NRXN3: variants seen among roughly 807,000 people sequenced by gnomAD.
The protein encoded by NRXN3 is neurexin 3.
NRXN3 carries 32 observed loss-of-function variants against 137.6 expected under a neutral mutation model. The ratio of observed to expected loss-of-function variants is 0.23; its 90% confidence interval spans 0.18 to 0.31. NRXN3 has a LOEUF of 0.31. Ranked by LOEUF, NRXN3 falls within the 10% of genes least tolerant of loss-of-function variation. The probability of loss-of-function intolerance (pLI) is 1.00; values close to 1 mark genes in which losing one functional copy is unlikely to be tolerated. For synonymous variants in NRXN3, 798 were observed against 784.5 expected (o/e 1.02, Z -0.29); for missense variants, 1,574 against 2,062.5 (o/e 0.76, Z 4.59).
chr14:78,651,337 C>A lies in NRXN3; in HGVS notation c.1221+11C>A. The A allele has an allele frequency of 6.2e-7, 1 of 1,613,334 alleles. No homozygotes were observed. Among genetic ancestry groups the A allele is most frequent in the East Asian group, 2.2e-5 (1 of 44,854 alleles). ...GGCTGCCTTAAAGAGGTAAAGTTCA[C>A]CCAATTCTATTTAATGCACCATGTG... On this transcript the variant is annotated intron_variant, in intron 6 of 20. Coordinates refer to ENST00000335750, the MANE Select transcript of NRXN3 (RefSeq NM_001330195.2).
At chr14:79,504,647 ATATATATG>A (rs1567316823) in intron 16 of NRXN3, among the ~76,000 whole-genome samples, 11 of 123,342 alleles carry the variant, frequency 8.9e-5, no homozygotes, top group Non-Finnish European at 1.0e-4. Flanking sequence ...TTTTTTATAT[ATATATATG>A]TATATATATA....
chr14:78,247,137 C>T (rs553970763), intron 2 of NRXN3, among the ~76,000 whole-genome samples: 2 of 152,184 alleles, frequency 1.3e-5, no homozygotes, highest in Admixed American at 6.5e-5. Flanking sequence ...CTCCAGCCCC[C>T]CTGCGGTGTT....
At chr14:78,638,399 T>C (rs754539054) in intron 4 of NRXN3, among the ~76,000 whole-genome samples, 1 of 152,202 alleles carries the variant, frequency 6.6e-6, no homozygotes, top group Non-Finnish European at 1.5e-5. Context: ...GGGGGATGGC[T>C]CTGCAGCTTG....
intron 19 of NRXN3, among the ~76,000 whole-genome samples, chr14:79,699,114 G>C (rs188544081): frequency 1.3e-5 from 2 of 151,900 alleles, no homozygotes. Context: ...TTTTCAAAAG[G>C]CTTCTAAAAA....
In NRXN3 at chr14:79,037,683, T is replaced by C. The variant is rs532131862; in HGVS notation, c.3262+49542T>C. On this transcript the variant is annotated intron_variant, in intron 15 of 20. Coordinates refer to ENST00000335750, the MANE Select transcript of NRXN3 (RefSeq NM_001330195.2). ...GAGAGGAGATTCACTCCTAAAAGAG[T>C]GTGTCATTTTAAGTTGACTTTCTTG... Among the ~76,000 whole-genome samples the C allele has an allele frequency of 2.6e-5, 4 of 152,134 alleles. No individual in the cohort carries two copies. In the South Asian group the frequency reaches 8.3e-4, roughly 32 times the overall value.
At chr14:79,294,466 ATTAT>A (rs1220291135) in intron 15 of NRXN3, among the ~76,000 whole-genome samples, 1 of 152,220 alleles carries the variant, frequency 6.6e-6, no homozygotes, top group East Asian at 1.9e-4. Context: ...ATTCACGGTA[ATTAT>A]TTGATCCACA....
intron 16 of NRXN3, among the ~76,000 whole-genome samples, chr14:79,514,511 G>A (rs59206596): frequency 0.022 from 3,356 of 152,144 alleles, 156 homozygotes; most frequent in East Asian, 0.17. Flanking sequence ...GAAATACCTC[G>A]AACATCTCCA....
At chr14:79,390,040 A>G (rs1262854817) in intron 15 of NRXN3, among the ~76,000 whole-genome samples, 3 of 152,198 alleles carry the variant, frequency 2.0e-5, no homozygotes, top group Non-Finnish European at 1.5e-5. Context: ...AATTAGGTCC[A>G]GGAGCGGTGG....
intron 19 of NRXN3, among the ~76,000 whole-genome samples, chr14:79,776,559 T>A (rs2099097729): frequency 6.6e-6 from 1 of 152,202 alleles, no homozygotes; most frequent in Non-Finnish European, 1.5e-5. Context: ...TATTGGAGGT[T>A]GTCAGTGTGT....
intron 10 of NRXN3, among the ~76,000 whole-genome samples, chr14:78,884,924 T>C (rs2152673655): frequency 6.6e-6 from 1 of 151,800 alleles, no homozygotes; most frequent in Admixed American, 6.6e-5. Context: ...AAAGTGATAG[T>C]GTATTAAAGC....
intron 15 of NRXN3, among the ~76,000 whole-genome samples, chr14:79,048,514 T>A (rs80100255): frequency 0.015 from 2,296 of 152,320 alleles, 17 homozygotes; most frequent in Middle Eastern, 0.031. Context: ...TATTCTGTAG[T>A]CTTTTAAGTG....
intron 8 of NRXN3, among the ~76,000 whole-genome samples, chr14:78,725,934 A>T (rs769916865): frequency 1.3e-5 from 2 of 152,134 alleles, no homozygotes; most frequent in African/African-American, 4.8e-5. Context: ...TTCTTAATTT[A>T]TATCTGAGGA....
chr14:78,413,019 C>T (rs1394241923), intron 4 of NRXN3, among the ~76,000 whole-genome samples: 1 of 152,130 alleles, frequency 6.6e-6, no homozygotes, highest in Non-Finnish European at 1.5e-5. Context: ...GTAAGGAAGG[C>T]ATTTTGTCTT....
At chr14:78,378,414 C>A (rs142132517) in intron 4 of NRXN3, among the ~76,000 whole-genome samples, 2 of 148,230 alleles carry the variant, frequency 1.3e-5, no homozygotes, top group African/African-American at 2.5e-5. Flanking sequence ...GAACCCGGGA[C>A]GTGGATGTTG....
chr14:78,697,217 G>A (rs1001426774), intron 6 of NRXN3, among the ~76,000 whole-genome samples: 1 of 151,980 alleles, frequency 6.6e-6, no homozygotes, highest in Admixed American at 6.6e-5. Flanking sequence ...TCCTAGAAGT[G>A]ATAATGAATT....
At chr14:79,771,286 T>C (rs898024533) in intron 19 of NRXN3, among the ~76,000 whole-genome samples, 9 of 152,288 alleles carry the variant, frequency 5.9e-5, no homozygotes, top group Admixed American at 4.6e-4. Flanking sequence ...GAGGACAGCA[T>C]CATCCTGATA....
At chr14:79,456,250 G>T (rs1287202489) in intron 15 of NRXN3, among the ~76,000 whole-genome samples, 2 of 152,096 alleles carry the variant, frequency 1.3e-5, no homozygotes, top group Non-Finnish European at 2.9e-5. Context: ...TTCCTGAGTT[G>T]CTTATCACCC....
intron 15 of NRXN3, among the ~76,000 whole-genome samples, chr14:79,163,686 A>G (rs915093684): frequency 1.3e-5 from 2 of 151,854 alleles, no homozygotes; most frequent in South Asian, 2.1e-4. Flanking sequence ...CTGTGTGAAT[A>G]TTATAACTGA....
chr14:78,968,853 A>G (rs1441021116), intron 14 of NRXN3, among the ~76,000 whole-genome samples: 1 of 152,180 alleles, frequency 6.6e-6, no homozygotes. Context: ...GGGAACTAAC[A>G]TTTACTAAGT....
Sources: allele counts gnomAD v4.1 joint callset (sites outside exome capture counted in the v4.1 genomes callset), GRCh38; gene constraint gnomAD v4.1.1; transcripts MANE v1.5; gene names NCBI Gene and HGNC (gene_info 2026-07-23, HGNC 2026-07-21).